Variants in MYH14 observed in about 807,000 individuals in gnomAD.
MYH14 encodes myosin-14.
Under a neutral mutation model 255.5 loss-of-function variants are expected in MYH14, and 123 were observed. The ratio of observed to expected loss-of-function variants is 0.48; its 90% confidence interval spans 0.42 to 0.56. The LOEUF is 0.56. MYH14 is among the 20% of genes least tolerant of loss of function. MYH14 has a pLI of 0.00. For missense variants in MYH14, 2,423 were observed against 2,802.3 expected (o/e 0.86, Z 3.06); for synonymous variants, 1,095 against 1,161.2 (o/e 0.94, Z 1.16).
rs1374655789 is a variant in MYH14 at position 50,255,116 on chromosome 19, TC to T, written c.1946-103del. On this transcript the variant is annotated intron_variant, in intron 16 of 42. Coordinates refer to ENST00000642316, the MANE Select transcript of MYH14 (RefSeq NM_001145809.2). ...TTGACTAATAACCCTCTCCTCTTTT[TC>T]TTCCTGCCACCTCCTCTCCTTCCCC... 33 of 765,190 alleles carry T rather than the reference TC, an allele frequency of 4.3e-5. No homozygotes were observed. In the South Asian group the frequency reaches 5.0e-4, roughly 12 times the overall value. 47.4% of individuals were successfully genotyped at this position (765,190 alleles called of 1,614,324 possible).
At chr19:50,232,615 A>C (rs1461781667) in intron 10 of MYH14, among the ~76,000 whole-genome samples, 73 of 145,326 alleles carry the variant, frequency 5.0e-4, no homozygotes, top group African/African-American at 1.7e-3. Flanking sequence ...AAAAAAAAAA[A>C]ACAAAAAGAC....
intron 3 of MYH14, among the ~76,000 whole-genome samples, chr19:50,222,182 T>A (rs2123200258): frequency 6.6e-6 from 1 of 152,110 alleles, no homozygotes; most frequent in South Asian, 2.1e-4. Context: ...TTACCCCCGT[T>A]TAAGAACCAC....
chr19:50,299,096 C>CA (rs1313000378), intron 39 of MYH14, among the ~76,000 whole-genome samples: 2 of 151,070 alleles, frequency 1.3e-5, no homozygotes. Flanking sequence ...CTCCAGAAAA[C>CA]AAAAAACAAA....
At chr19:50,248,104 G>A (rs650262) in intron 12 of MYH14, among the ~76,000 whole-genome samples, 118,289 of 150,228 alleles carry the variant, frequency 0.79, 47,189 homozygotes, top group Admixed American at 0.85. Context: ...ATTGAAGGAG[G>A]TCAGGTCAGT....
rs375687883 is a variant in MYH14 at position 50,280,091 on chromosome 19, C to A, written c.4087C>A (p.Arg1363Ser). 3.1e-6 allele frequency: 5 copies of A among 1,610,700 alleles called. No individual in the cohort carries two copies. In the Admixed American group the frequency reaches 6.7e-5, roughly 22 times the overall value. ...ALNEAESKTI[R>S]LSKELSSTEA... ...GAACGAGGCTGAGTCCAAAACCATCCGTCTTAGCAAGGAGCTGAGCAGCAC... is the reference window on the plus strand; with the variant it reads ...GAACGAGGCTGAGTCCAAAACCATCAGTCTTAGCAAGGAGCTGAGCAGCAC... Residue 1363 changes from arginine (R) to serine (S), a missense_variant, in exon 31 of 43, where the codon CGT (arginine) becomes AGT (serine). Physicochemically the swap from Arg to Ser is moderately radical, Grantham distance 110. Coordinates refer to ENST00000642316, the MANE Select transcript of MYH14 (RefSeq NM_001145809.2). The surrounding 1 kb of genome is among the most constrained non-coding windows in gnomAD (Gnocchi z 4.8).
rs2036138940 is a variant in MYH14 at position 50,293,035 on chromosome 19, G to A, written c.5257-198G>A. On this transcript the variant is annotated intron_variant, in intron 37 of 42. Coordinates refer to ENST00000642316, the MANE Select transcript of MYH14 (RefSeq NM_001145809.2). The surrounding 1 kb of genome is among the most constrained non-coding windows in gnomAD (Gnocchi z 4.1). Reference sequence around the variant, plus strand: ...GGGTGAGGGGCCTGGGGGTTGGGCTGCAAGAGGTGAGCACAGGTCAGGGGC... The same window carrying A: ...GGGTGAGGGGCCTGGGGGTTGGGCTACAAGAGGTGAGCACAGGTCAGGGGC... Among the ~76,000 whole-genome samples, 1 of 152,030 alleles carries A rather than the reference G, an allele frequency of 6.6e-6. No homozygotes were observed. The highest frequency in any genetic ancestry group is 6.6e-5 in the Admixed American group (1 of 15,262).
chr19:50,237,847 T>C (rs747609541), intron 10 of MYH14, among the ~76,000 whole-genome samples: 13 of 152,200 alleles, frequency 8.5e-5, no homozygotes, highest in Non-Finnish European at 1.8e-4. Context: ...TAGTCACCTT[T>C]TCACAGACTT....
chr19:50,252,698 C>T lies in MYH14; in HGVS notation c.1890C>T (p.Val630=), dbSNP rs77895476. ...ACATGGACCCTCTGAATGACAACGTCGCAGCCTTGCTCCACCAGAGCACAG... is the reference window on the plus strand; with the variant it reads ...ACATGGACCCTCTGAATGACAACGTTGCAGCCTTGCTCCACCAGAGCACAG... ...MKNMDPLNDN[V]AALLHQSTDR... Residue 630 remains valine (V), a synonymous_variant, in exon 16 of 43, where the codon GTC becomes GTT. Transcript: ENST00000642316. The surrounding 1 kb of genome is among the most constrained non-coding windows in gnomAD (Gnocchi z 4.2). 26,583 of 1,601,110 alleles carry T rather than the reference C, an allele frequency of 0.017. 487 individuals carry two copies. Among genetic ancestry groups the T allele is most frequent in the East Asian group, 0.083 (3,656 of 44,204 alleles).
At position 50,280,281 on chromosome 19, in the gene MYH14, G is replaced by A. The variant is rs1289942763; in HGVS notation, c.4188G>A (p.Val1396=). The A allele has an allele frequency of 2.6e-6, 4 of 1,551,426 alleles. No homozygotes were observed. The highest frequency in any genetic ancestry group is 3.5e-6 in the Non-Finnish European group (4 of 1,146,966). ...TRAKLALGSR[V]RAMEAEAAGL... is the part of the protein sequence containing the mutation. ...CGAAATTGGCCTTGGGGTCCCGGGT[G>A]CGAGCCATGGAGGCTGAGGCAGCCG... Residue 1396 remains valine (V), a synonymous_variant, in exon 32 of 43, where the codon GTG becomes GTA. Transcript: ENST00000642316. This position sits in a 1 kb window ranked among gnomAD's most constrained non-coding sequence, Gnocchi z 4.8.
chr19:50,278,118 G>A lies in MYH14; in HGVS notation c.3861G>A (p.Leu1287=). ...KGAWEKTRLA[L]EAEVSELRAE... is the part of the protein sequence containing the mutation. The stretch of plus-strand genomic sequence containing the variant: ...CATGGGAGAAGACCCGGCTGGCCCT[G>A]GAGGCCGAGGTGTCCGAGCTGCGGG... The change falls in exon 30 of 43, where the codon CTG becomes CTA. Residue 1287 remains leucine (L), a synonymous_variant. Transcript: ENST00000642316. 1 of 1,598,896 alleles carries A rather than the reference G, an allele frequency of 6.3e-7. No homozygotes were observed. The highest frequency in any genetic ancestry group is 1.3e-5 in the African/African-American group (1 of 74,752).
At chr19:50,235,992 T>C (rs2033639922) in intron 10 of MYH14, among the ~76,000 whole-genome samples, 1 of 151,210 alleles carries the variant, frequency 6.6e-6, no homozygotes, top group Non-Finnish European at 1.5e-5. Context: ...CCCTTGCAGA[T>C]AGAGCCTTAG....
Position 50,309,825 on chromosome 19 carries a change from G to C in MYH14, c.*35G>C, listed in dbSNP as rs754439562. ...GTCCCCAGATGCACTAACAGATGGGGCCCAGCCCCCTTCCTCCCTGGACCC... is the reference window on the plus strand; with the variant it reads ...GTCCCCAGATGCACTAACAGATGGGCCCCAGCCCCCTTCCTCCCTGGACCC... On this transcript the variant is annotated 3_prime_UTR_variant, in exon 43 of 43. Coordinates refer to ENST00000642316, the MANE Select transcript of MYH14 (RefSeq NM_001145809.2). The C allele has an allele frequency of 4.5e-6, 7 of 1,554,102 alleles. No homozygotes were observed. The South Asian group carries it at 8.3e-5, about 18-fold the overall frequency.
intron 39 of MYH14, among the ~76,000 whole-genome samples, chr19:50,298,761 A>C (rs943321793): frequency 6.6e-6 from 1 of 151,902 alleles, no homozygotes; most frequent in African/African-American, 2.4e-5. Context: ...AAAAAAAAAA[A>C]AAGAAAAGAA....
chr19:50,246,863 G>T, intron 11 of MYH14, 141 bp from the exon 12 acceptor site: 1 of 613,140 alleles, frequency 1.6e-6, no homozygotes, highest in Non-Finnish European at 2.9e-6. Context: ...ACACACTTTT[G>T]GGACTCGTAA....
At chr19:50,238,256 C>A in intron 10 of MYH14, among the ~76,000 whole-genome samples, 1 of 152,142 alleles carries the variant, frequency 6.6e-6, no homozygotes, top group South Asian at 2.1e-4. Context: ...GTCCTCAGGG[C>A]ATCAGATGCG....
chr19:50,290,553 A>C (rs2036036955), intron 35 of MYH14, among the ~76,000 whole-genome samples: 1 of 152,160 alleles, frequency 6.6e-6, no homozygotes, highest in Non-Finnish European at 1.5e-5. Flanking sequence ...TGTCTCTGCT[A>C]GCCCCTTTGA....
In MYH14 at chr19:50,272,611, G is replaced by A. The variant is rs767489401; in HGVS notation, c.3347G>A (p.Arg1116Gln). The change falls in exon 27 of 43, where the codon CGG becomes CAG. Residue 1116 changes from arginine to glutamine, a missense_variant. Around this residue, in one of 3 missense-constraint regions of MYH14, gnomAD observed 1,513 missense variants for 1,674.8 expected, o/e 0.90. Coordinates refer to ENST00000642316, the MANE Select transcript of MYH14 (RefSeq NM_001145809.2). ...KGRQELEKLK[R>Q]RLDGESSELQ... ...CGCCAGGAGCTGGAGAAGCTGAAGC[G>A]GAGGCTGGATGGGGAGAGCTCAGAG... 42 of 1,581,234 alleles carry A rather than the reference G, an allele frequency of 2.7e-5. No individual in the cohort carries two copies. In the South Asian group the frequency reaches 2.7e-4, roughly 10 times the overall value.
Position 50,290,898 on chromosome 19 carries a change from A to G in MYH14, c.4977A>G (p.Ala1659=), listed in dbSNP as rs1383440756. The G allele has an allele frequency of 6.4e-7, 1 of 1,561,974 alleles. No homozygotes were observed. Among genetic ancestry groups the G allele is most frequent in the East Asian group, 2.4e-5 (1 of 42,118 alleles). Residue 1659 remains alanine (A), a synonymous_variant, in exon 36 of 43, where the codon GCA becomes GCG. Transcript: ENST00000642316. ...GACCTCCTCTCCAGCTGAGAGATGCAGAGGTGGAGCGGGATGAGGAGCGGA... is the reference window on the plus strand; with the variant it reads ...GACCTCCTCTCCAGCTGAGAGATGCGGAGGTGGAGCGGGATGAGGAGCGGA... ...RRQLAKQLRD[A]EVERDEERKQ...
chr19:50,287,134 G>A (rs571889956), intron 34 of MYH14, among the ~76,000 whole-genome samples: 4 of 152,190 alleles, frequency 2.6e-5, no homozygotes, highest in Admixed American at 6.5e-5. Context: ...AAGAGAACAA[G>A]AGGGGGACTG....
Sources: gnomAD v4.1 joint callset for allele counts (sites outside exome capture counted in the v4.1 genomes callset) on GRCh38, gnomAD v4.1.1 for gene constraint, gnomAD v4.1.1 regional missense constraint, Gnocchi (gnomAD v3.1) non-coding constraint, MANE v1.5 for transcripts, NCBI Gene and HGNC (gene_info 2026-07-23, HGNC 2026-07-21) for gene names.